The following PRKN variants were observed in gnomAD, a reference collection of about 807,000 sequenced individuals.
PRKN encodes parkin RBR E3 ubiquitin protein ligase.
A neutral mutation model predicts 59.5 loss-of-function variants in PRKN; 56 were observed. The ratio of observed to expected loss-of-function variants is 0.94; its 90% CI spans 0.76 to 1.18. The LOEUF (loss-of-function observed/expected upper bound fraction) is 1.18, where lower values mean the gene tolerates loss of function less well. Ranked by LOEUF, PRKN falls within the 50% of genes most tolerant of loss-of-function variation. The pLI is 0.00. For synonymous variants in PRKN, 250 were observed against 222.1 expected (o/e 1.13, Z -1.12); for missense variants, 657 against 596.4 (o/e 1.10, Z -1.06).
rs184349773 is a variant in PRKN, at chr6:161,728,951, T to G, written c.871+56821A>C. Among the ~76,000 whole-genome samples the G allele has an allele frequency of 1.4e-3, 210 of 152,346 alleles. 2 individuals are homozygous for G. Among genetic ancestry groups the G allele is most frequent in the African/African-American group, 5.0e-3 (207 of 41,588 alleles). ...AAAGTAATCATGGCATTCTAGAGTT[T>G]GCCTGCATTCAACCAACATAAAATC... On this transcript the variant is annotated intron_variant, in intron 7 of 11. Transcript: ENST00000366898.
chr6:162,349,270 C>A (rs532389264), intron 2 of PRKN, among the ~76,000 whole-genome samples: 1 of 152,078 alleles, frequency 6.6e-6, no homozygotes, highest in Non-Finnish European at 1.5e-5. Flanking sequence ...GAGTTCAAGA[C>A]CAGCCTGGCC....
intron 4 of PRKN, among the ~76,000 whole-genome samples, chr6:162,174,773 C>T (rs1783456372): frequency 6.6e-6 from 1 of 152,176 alleles, no homozygotes; most frequent in South Asian, 2.1e-4. Flanking sequence ...GAAACACATC[C>T]TAATCCAATT....
At chr6:161,809,313 G>A (rs565569034) in intron 6 of PRKN, among the ~76,000 whole-genome samples, 1 of 152,256 alleles carries the variant, frequency 6.6e-6, no homozygotes, top group Non-Finnish European at 1.5e-5. Context: ...ACCACTTGGG[G>A]CTGGGTACTT....
intron 1 of PRKN, among the ~76,000 whole-genome samples, chr6:162,698,493 A>G (rs1467750845): frequency 6.6e-6 from 1 of 152,174 alleles, no homozygotes; most frequent in Non-Finnish European, 1.5e-5. Context: ...CTCAAGCACC[A>G]TCACATGAGC....
chr6:162,023,165 CACAGCAGTGTCTCGGGGTG>C (rs1783276777), intron 5 of PRKN, among the ~76,000 whole-genome samples: 1 of 152,150 alleles, frequency 6.6e-6, no homozygotes, highest in African/African-American at 2.4e-5. Context: ...GCTCCCACCC[CACAGCAGTGTCTCGGGGTG>C]ACTGTTTACA....
At chr6:161,771,374 A>AT (rs1789680839) in intron 7 of PRKN, among the ~76,000 whole-genome samples, 2 of 132,540 alleles carry the variant, frequency 1.5e-5, no homozygotes, top group Non-Finnish European at 3.2e-5. Flanking sequence ...AAAAAAAATA[A>AT]AATAAAATAA....
intron 3 of PRKN, among the ~76,000 whole-genome samples, chr6:162,254,455 C>CA (rs148927604): frequency 0.076 from 7,170 of 93,972 alleles, 249 homozygotes; most frequent in Middle Eastern, 0.21. Flanking sequence ...GACTCCATCT[C>CA]AAAAAAAAAA....
intron 2 of PRKN, among the ~76,000 whole-genome samples, chr6:162,343,478 TC>T (rs1562687797): frequency 1.3e-5 from 2 of 152,192 alleles, no homozygotes; most frequent in Non-Finnish European, 2.9e-5. Context: ...TATCCTGGTT[TC>T]CCAGAAACAG....
rs536849550 is a variant in PRKN, at chr6:161,407,664, T to C, written c.1084-20787A>G. On this transcript the variant is annotated intron_variant, in intron 9 of 11. Transcript: ENST00000366898. The surrounding 1 kb of genome is among the most constrained non-coding windows in gnomAD (Gnocchi z 4.9). ...TTATAACCCCTGTGACCTGCACATATACGTCCAGATGGCCTGCAGGAGCCA... is the reference window on the plus strand; with the variant it reads ...TTATAACCCCTGTGACCTGCACATACACGTCCAGATGGCCTGCAGGAGCCA... Among the ~76,000 whole-genome samples, 24 of 152,258 alleles carry C rather than the reference T, an allele frequency of 1.6e-4. 1 individual carries two copies. The East Asian group carries it at 4.1e-3, about 26-fold the overall frequency.
In PRKN at chr6:161,502,594, A is replaced by C. The variant is rs1464891881; in HGVS notation, c.1083+46260T>G. ...GACTGGTAGGGATGAGGATAGTAAG[A>C]GTATCCTGAAGGAGGGGACCAGTAA... On this transcript the variant is annotated intron_variant, in intron 9 of 11. Coordinates refer to ENST00000366898, the MANE Select transcript of PRKN (RefSeq NM_004562.3). This position sits in a 1 kb window ranked among gnomAD's most constrained non-coding sequence, Gnocchi z 4.0. 6.6e-6 allele frequency among the ~76,000 whole-genome samples: 1 copy of C among 152,174 alleles called. No individual in the cohort carries two copies. Among genetic ancestry groups the C allele is most frequent in the Non-Finnish European group, 1.5e-5 (1 of 68,040 alleles).
At chr6:161,662,681 T>C (rs755364495) in intron 7 of PRKN, among the ~76,000 whole-genome samples, 47 of 152,206 alleles carry the variant, frequency 3.1e-4, no homozygotes, top group Non-Finnish European at 4.0e-4. Context: ...TGTTTCCTTC[T>C]CTGTAATATG....
chr6:162,191,218 T>C (rs545463859), intron 4 of PRKN, among the ~76,000 whole-genome samples: 6 of 152,254 alleles, frequency 3.9e-5, no homozygotes, highest in African/African-American at 1.2e-4. Context: ...TCCTTGCTCA[T>C]AGGAATCCGA....
intron 9 of PRKN, among the ~76,000 whole-genome samples, chr6:161,472,314 C>G (rs1373021294): frequency 6.6e-6 from 1 of 152,012 alleles, no homozygotes; most frequent in East Asian, 1.9e-4. Context: ...TAAGGAAACC[C>G]AATCCATGAC....
At chr6:161,746,002 T>A (rs866757880) in intron 7 of PRKN, among the ~76,000 whole-genome samples, 2 of 152,232 alleles carry the variant, frequency 1.3e-5, no homozygotes, top group African/African-American at 4.8e-5. Flanking sequence ...GGCCTCATCG[T>A]GGCATTTTCA....
intron 7 of PRKN, among the ~76,000 whole-genome samples, chr6:161,764,265 G>A (rs4518469): frequency 0.014 from 2,177 of 152,284 alleles, 57 homozygotes; most frequent in African/African-American, 0.045. Flanking sequence ...AACCCCCACT[G>A]AATTGCAAGC....
At chr6:161,536,709 A>C (rs889612528) in intron 9 of PRKN, among the ~76,000 whole-genome samples, 2 of 152,198 alleles carry the variant, frequency 1.3e-5, no homozygotes, top group African/African-American at 4.8e-5. Flanking sequence ...CTGATTATAC[A>C]TCAGTGACGT....
At chr6:161,580,330 G>A (rs1019607587) in intron 7 of PRKN, among the ~76,000 whole-genome samples, 1 of 152,138 alleles carries the variant, frequency 6.6e-6, no homozygotes, top group Non-Finnish European at 1.5e-5. Flanking sequence ...GTTCAACCAG[G>A]TGCCTCTAAA....
intron 6 of PRKN, among the ~76,000 whole-genome samples, chr6:161,878,493 G>A (rs1032812020): frequency 2.0e-5 from 3 of 152,076 alleles, no homozygotes; most frequent in East Asian, 1.9e-4. Flanking sequence ...CGCACAGTAC[G>A]AATTATTTTG....
intron 6 of PRKN, among the ~76,000 whole-genome samples, chr6:161,803,166 T>TGA (rs1361321875): frequency 6.6e-6 from 1 of 152,206 alleles, no homozygotes; most frequent in Non-Finnish European, 1.5e-5. Flanking sequence ...TTGAGTTACT[T>TGA]TTCCACAATT....
Sources: allele counts gnomAD v4.1 joint callset (sites outside exome capture counted in the v4.1 genomes callset), GRCh38; gene constraint gnomAD v4.1.1; non-coding constraint Gnocchi (gnomAD v3.1); transcripts MANE v1.5; gene names NCBI Gene and HGNC (gene_info 2026-07-23, HGNC 2026-07-21).